The following NT5M variants were observed in gnomAD, a reference collection of about 807,000 sequenced individuals.
NT5M encodes the protein 5'(3')-deoxyribonucleotidase, mitochondrial.
In NT5M, 22 loss-of-function variants were observed where a neutral mutation model predicts 22.2. That is an observed-to-expected ratio of 0.99 (90% confidence interval 0.71 to 1.41). NT5M has a LOEUF of 1.41. Ranked by LOEUF, NT5M falls within the 40% of genes most tolerant of loss-of-function variation. NT5M has a pLI of 0.00. For synonymous variants in NT5M, 167 were observed against 133.0 expected, an observed-to-expected ratio of 1.26 and a Z score of -1.76; for missense variants, 322 against 314.8, an observed-to-expected ratio of 1.02 and a Z score of -0.17.
chr17:17,328,129 CT>C (rs1266375225), intron 3 of NT5M, among the ~76,000 whole-genome samples: 1 of 152,150 alleles, frequency 6.6e-6, no homozygotes, highest in African/African-American at 2.4e-5. Context: ...GGGCAGGGTA[CT>C]TTCCTCCTGC....
intron 2 of NT5M, among the ~76,000 whole-genome samples, chr17:17,310,239 G>T (rs1010458557): frequency 6.6e-6 from 1 of 152,102 alleles, no homozygotes; most frequent in African/African-American, 2.4e-5. Context: ...AATATATAAA[G>T]AACTCTTCCA....
intron 3 of NT5M, among the ~76,000 whole-genome samples, chr17:17,331,839 T>G (rs2049393425): frequency 6.6e-6 from 1 of 151,166 alleles, no homozygotes; most frequent in African/African-American, 2.5e-5. Flanking sequence ...GGAGTGCAGT[T>G]GCGCGATCTC....
At chr17:17,338,822 G>A (rs1009094666) in intron 3 of NT5M, among the ~76,000 whole-genome samples, 1 of 150,066 alleles carries the variant, frequency 6.7e-6, no homozygotes, top group Non-Finnish European at 1.5e-5. Context: ...CACCTCCCAG[G>A]TTCACACCGT....
intron 3 of NT5M, among the ~76,000 whole-genome samples, chr17:17,335,407 G>A (rs913676728): frequency 1.1e-4 from 16 of 151,828 alleles, no homozygotes; most frequent in Admixed American, 6.6e-4. Flanking sequence ...ATAGGCGCCC[G>A]CCACCATGCC....
At chr17:17,304,494 T>C in intron 1 of NT5M, 1 of 952,424 alleles carries the variant, frequency 1.0e-6, no homozygotes, top group Non-Finnish European at 1.3e-6. Flanking sequence ...AAATTTGAAG[T>C]ATTTTGCAAA....
intron 3 of NT5M, 109 bp from the exon 4 acceptor site, chr17:17,344,685 C>T: frequency 3.0e-6 from 4 of 1,353,790 alleles, no homozygotes; most frequent in Non-Finnish European, 3.1e-6. Flanking sequence ...TCCATCCCTC[C>T]CTGCCTGTTA....
chr17:17,317,030 GT>G lies in NT5M; in HGVS notation c.369-6149del, dbSNP rs1244463146. Among the ~76,000 whole-genome samples, 4 of 128,494 alleles carry G rather than the reference GT, an allele frequency of 3.1e-5. No homozygotes were observed. The South Asian group carries it at 1.0e-3, about 33-fold the overall frequency. The allele number at this position is 128,494 out of a possible 152,430, so 84.3% of individuals were successfully genotyped here. Reference sequence around the variant, plus strand: ...TGCCTGGCCATAACTTAGGTTTTTTGTTTTTTGTTTTTGTTTTTGTTTTTGT... The same window carrying G: ...TGCCTGGCCATAACTTAGGTTTTTTGTTTTTGTTTTTGTTTTTGTTTTTGT... On this transcript the variant is annotated intron_variant, in intron 2 of 4. Coordinates refer to ENST00000389022, the MANE Select transcript of NT5M (RefSeq NM_020201.4).
chr17:17,309,498 T>C (rs1398665435), intron 2 of NT5M, among the ~76,000 whole-genome samples: 1 of 152,218 alleles, frequency 6.6e-6, no homozygotes, highest in East Asian at 1.9e-4. Flanking sequence ...TCAAACTATT[T>C]TCCAAAGCAA....
Position 17,313,803 on chromosome 17 carries a change from A to G in NT5M, c.368+7160A>G, listed in dbSNP as rs1222342079. On this transcript the variant is annotated intron_variant, in intron 2 of 4. Coordinates refer to ENST00000389022, the MANE Select transcript of NT5M (RefSeq NM_020201.4). ...CATTGTGCTGCCATCTTGAGGAATG[A>G]AAAGGAACCTGCCAGGTAGTGAAGG... 3.9e-5 allele frequency among the ~76,000 whole-genome samples: 6 copies of G among 152,284 alleles called. No individual in the cohort carries two copies. In the South Asian group the frequency reaches 1.0e-3, roughly 26 times the overall value.
chr17:17,346,439 T>G (rs117523708), intron 4 of NT5M, among the ~76,000 whole-genome samples: 1 of 152,042 alleles, frequency 6.6e-6, no homozygotes, highest in Non-Finnish European at 1.5e-5. Flanking sequence ...GAGAGGGAAG[T>G]TGGGGGAACA....
At chr17:17,332,316 G>A (rs936469873) in intron 3 of NT5M, among the ~76,000 whole-genome samples, 1 of 152,112 alleles carries the variant, frequency 6.6e-6, no homozygotes, top group Non-Finnish European at 1.5e-5. Flanking sequence ...AGGTGGGGTC[G>A]AGAGCTGCCA....
In NT5M at chr17:17,327,439, G is replaced by A. The variant is rs752866425; in HGVS notation, c.429+4194G>A. ...GCTCACTGCAACCTCTGCCTCCTGAGTTTAAGTGATTCTCATGCCTCAGCC... is the reference window on the plus strand; with the variant it reads ...GCTCACTGCAACCTCTGCCTCCTGAATTTAAGTGATTCTCATGCCTCAGCC... On this transcript the variant is annotated intron_variant, in intron 3 of 4. Coordinates refer to ENST00000389022, the MANE Select transcript of NT5M (RefSeq NM_020201.4). 1.8e-4 allele frequency among the ~76,000 whole-genome samples: 18 copies of A among 99,986 alleles called. 7 individuals are homozygous for A. The highest frequency in any genetic ancestry group is 3.8e-4 in the Non-Finnish European group (18 of 46,932). The allele number at this position is 99,986 out of a possible 152,430, so 65.6% of individuals were successfully genotyped here. A position where few individuals can be genotyped will look rare whatever the true frequency, so the allele number is the denominator to read the frequency against.
At chr17:17,308,360 G>A (rs938206916) in intron 2 of NT5M, among the ~76,000 whole-genome samples, 2 of 152,084 alleles carry the variant, frequency 1.3e-5, no homozygotes, top group African/African-American at 2.4e-5. Context: ...TTGGGAGGTC[G>A]AGGCGGGCGG....
At chr17:17,345,989 T>G (rs1287394240) in intron 4 of NT5M, among the ~76,000 whole-genome samples, 1 of 152,260 alleles carries the variant, frequency 6.6e-6, no homozygotes, top group African/African-American at 2.4e-5. Context: ...CTCCTCCTGG[T>G]AGCCGTCAGT....
chr17:17,328,407 A>C (rs778270806), intron 3 of NT5M, among the ~76,000 whole-genome samples: 3 of 152,166 alleles, frequency 2.0e-5, no homozygotes, highest in Non-Finnish European at 4.4e-5. Context: ...GTGAGAAGTG[A>C]GTAAGGCGAA....
chr17:17,309,595 C>T (rs1347356064), intron 2 of NT5M, among the ~76,000 whole-genome samples: 2 of 151,306 alleles, frequency 1.3e-5, no homozygotes, highest in African/African-American at 4.9e-5. Flanking sequence ...TTCTGTTTTA[C>T]TTTAGCCATC....
intron 2 of NT5M, among the ~76,000 whole-genome samples, chr17:17,313,401 C>T (rs1182895359): frequency 2.6e-5 from 4 of 152,184 alleles, no homozygotes; most frequent in Admixed American, 1.3e-4. Flanking sequence ...ACCCAGTGGT[C>T]CTTTATCTCC....
At chr17:17,314,183 G>A (rs1472980792) in intron 2 of NT5M, among the ~76,000 whole-genome samples, 5 of 151,834 alleles carry the variant, frequency 3.3e-5, no homozygotes, top group African/African-American at 2.4e-5. Context: ...ACGGGCGCCC[G>A]CCACCACGCC....
intron 3 of NT5M, among the ~76,000 whole-genome samples, 169 bp downstream of exon 3, chr17:17,323,414 G>A (rs2049197542): frequency 6.6e-6 from 1 of 152,166 alleles, no homozygotes; most frequent in African/African-American, 2.4e-5. Flanking sequence ...CTCTAGATGG[G>A]GCCTCTTATG....
Sources: gnomAD v4.1 joint callset for allele counts (sites outside exome capture counted in the v4.1 genomes callset) on GRCh38, gnomAD v4.1.1 for gene constraint, MANE v1.5 for transcripts, NCBI Gene and HGNC (gene_info 2026-07-23, HGNC 2026-07-21) for gene names.